Variants in DCC observed in about 807,000 individuals in gnomAD.
DCC encodes the protein netrin receptor DCC.
DCC carries 58 observed loss-of-function variants against 172.5 expected under a neutral mutation model. That is an observed-to-expected ratio of 0.34 (90% CI 0.27 to 0.42). The LOEUF (loss-of-function observed/expected upper bound fraction) is 0.42. Among genes scored for constraint, DCC ranks in the 10% least tolerant of loss-of-function variants. The pLI is 1.00. For synonymous variants in DCC, 709 were observed against 644.5 expected, an observed-to-expected ratio of 1.10 and a Z score of -1.52; for missense variants, 1,740 against 1,791.0, an observed-to-expected ratio of 0.97 and a Z score of 0.51.
intron 7 of DCC, among the ~76,000 whole-genome samples, chr18:53,069,620 C>CAA (rs72121087): frequency 3.1e-3 from 349 of 113,468 alleles, no homozygotes; most frequent in African/African-American, 9.2e-3. Context: ...TCCACAAAAA[C>CAA]AAAAAAAAAA....
chr18:52,909,289 A>G lies in DCC; in HGVS notation c.697+2961A>G, dbSNP rs78771055. On this transcript the variant is annotated intron_variant, in intron 3 of 28. Transcript: ENST00000442544. ...ACATACATGCACATATACAAACATC[A>G]TATTATTGGCATGACTTAGGACTAT... Among the ~76,000 whole-genome samples, 30 of 152,286 alleles carry G rather than the reference A, an allele frequency of 2.0e-4. No homozygotes were observed. The East Asian group carries it at 5.4e-3, about 27-fold the overall frequency.
At chr18:53,120,143 T>C (rs2043463558) in intron 7 of DCC, among the ~76,000 whole-genome samples, 1 of 151,816 alleles carries the variant, frequency 6.6e-6, no homozygotes, top group Non-Finnish European at 1.5e-5. Context: ...TGCGTAAATA[T>C]CAATAATTTT....
At chr18:52,846,291 C>T (rs1410666407) in intron 2 of DCC, among the ~76,000 whole-genome samples, 1 of 152,126 alleles carries the variant, frequency 6.6e-6, no homozygotes. Flanking sequence ...CCTGTAATCC[C>T]TGCACTTTGG....
At chr18:53,031,197 T>C (rs942032985) in intron 5 of DCC, among the ~76,000 whole-genome samples, 3 of 152,278 alleles carry the variant, frequency 2.0e-5, no homozygotes, top group East Asian at 3.9e-4. Context: ...AGGCAGAGGT[T>C]GCAGTGAGCT....
At chr18:52,608,091 T>C (rs1229529203) in intron 1 of DCC, among the ~76,000 whole-genome samples, 1 of 152,140 alleles carries the variant, frequency 6.6e-6, no homozygotes, top group East Asian at 1.9e-4. Flanking sequence ...ATGCTCTATC[T>C]CCCTTCTTTT....
chr18:53,137,032 A>G (rs926315724), intron 7 of DCC, among the ~76,000 whole-genome samples: 4 of 152,246 alleles, frequency 2.6e-5, no homozygotes, highest in African/African-American at 9.6e-5. Flanking sequence ...TTACCTAGGA[A>G]GAGGAGAGCA....
intron 27 of DCC, among the ~76,000 whole-genome samples, chr18:53,512,181 G>C (rs1369988128): frequency 6.8e-6 from 1 of 147,394 alleles, no homozygotes; most frequent in East Asian, 2.1e-4. Flanking sequence ...TAACTGGGAG[G>C]CACCCCCCAG....
chr18:53,432,297 A>C (rs142171778), intron 21 of DCC, among the ~76,000 whole-genome samples: 1 of 152,274 alleles, frequency 6.6e-6, no homozygotes, highest in East Asian at 1.9e-4. Flanking sequence ...TCTGATTACA[A>C]TGAACCAACT....
chr18:53,097,811 T>C (rs1470699169), intron 7 of DCC, among the ~76,000 whole-genome samples: 2 of 152,174 alleles, frequency 1.3e-5, no homozygotes, highest in Admixed American at 6.5e-5. Context: ...GTTTGCATAC[T>C]GAAACAGAGA....
chr18:52,475,906 C>T (rs564245972), intron 1 of DCC, among the ~76,000 whole-genome samples: 1 of 152,276 alleles, frequency 6.6e-6, no homozygotes, highest in East Asian at 1.9e-4. Flanking sequence ...AACTCTAGTC[C>T]ATCTTCTTCA....
At chr18:53,386,475 GC>G (rs527539960) in intron 16 of DCC, among the ~76,000 whole-genome samples, 1 of 152,076 alleles carries the variant, frequency 6.6e-6, no homozygotes, top group African/African-American at 2.4e-5. Context: ...CATCTCCTGA[GC>G]AGTTTGTCTC....
Position 53,033,576 on chromosome 18 carries a change from A to C in DCC, c.986-29729A>C, listed in dbSNP as rs186191954. Among the ~76,000 whole-genome samples the C allele has an allele frequency of 2.6e-5, 4 of 152,210 alleles. No individual in the cohort carries two copies. The East Asian group carries it at 7.7e-4, about 29-fold the overall frequency. On this transcript the variant is annotated intron_variant, in intron 5 of 28. Coordinates refer to ENST00000442544, the MANE Select transcript of DCC (RefSeq NM_005215.4). ...GCTGTCTCAGCCTCTCTATCAATGC[A>C]CACTGGTTCCCATTCCTCCTTGAGA... is the stretch of plus-strand genomic sequence containing the variant.
intron 12 of DCC, among the ~76,000 whole-genome samples, chr18:53,258,179 T>G (rs1313458051): frequency 6.6e-6 from 1 of 152,178 alleles, no homozygotes; most frequent in Non-Finnish European, 1.5e-5. Flanking sequence ...GAATCATTGA[T>G]TTTTTGAAGG....
chr18:53,449,628 TC>T (rs1427119574), intron 22 of DCC, among the ~76,000 whole-genome samples: 1 of 152,204 alleles, frequency 6.6e-6, no homozygotes, highest in Non-Finnish European at 1.5e-5. Context: ...TAGTGTTTCC[TC>T]ATAAACCATA....
intron 8 of DCC, among the ~76,000 whole-genome samples, chr18:53,170,537 A>G (rs1348272287): frequency 1.3e-5 from 2 of 152,216 alleles, no homozygotes; most frequent in Non-Finnish European, 2.9e-5. Context: ...TCCTGGTTTT[A>G]AATACTTTGT....
At position 53,487,469 on chromosome 18, in the gene DCC, T is replaced by C. The variant is rs566928582; in HGVS notation, c.3898+511T>C. On this transcript the variant is annotated intron_variant, in intron 26 of 28. Coordinates refer to ENST00000442544, the MANE Select transcript of DCC (RefSeq NM_005215.4). Reference sequence around the variant, plus strand: ...TCATTTCTTTGAAGGAAGGTAGGAATGAAAAGAGACTCTCAAGCTATTATA... The same window carrying C: ...TCATTTCTTTGAAGGAAGGTAGGAACGAAAAGAGACTCTCAAGCTATTATA... 2.6e-5 allele frequency among the ~76,000 whole-genome samples: 4 copies of C among 151,488 alleles called. No homozygotes were observed. The South Asian group carries it at 8.3e-4, about 32-fold the overall frequency.
At chr18:52,376,393 G>A (rs1985347355) in intron 1 of DCC, among the ~76,000 whole-genome samples, 2 of 152,072 alleles carry the variant, frequency 1.3e-5, no homozygotes, top group Non-Finnish European at 2.9e-5. Context: ...AGGAGGGAGG[G>A]GTTAGTTAAT....
In DCC at chr18:53,199,316, C is replaced by A. The variant is rs2055499206; in HGVS notation, c.1574-5900C>A. Among the ~76,000 whole-genome samples, 4 of 152,046 alleles carry A rather than the reference C, an allele frequency of 2.6e-5. No homozygotes were observed. The South Asian group carries it at 8.3e-4, about 32-fold the overall frequency. On this transcript the variant is annotated intron_variant, in intron 9 of 28. Transcript: ENST00000442544. ...TTGTTGGCCAGGCTGGTCTTGAACT[C>A]CTGGCCTCAAATGATCCTCCCACCT...
In DCC at chr18:52,439,174, TTGTG is replaced by T. The variant is rs60983168; in HGVS notation, c.91+98330_91+98333del. Among the ~76,000 whole-genome samples, 377 of 144,846 alleles carry T rather than the reference TTGTG, an allele frequency of 2.6e-3. 2 individuals carry two copies. Among genetic ancestry groups the T allele is most frequent in the Middle Eastern group, 0.014 (4 of 288 alleles). On this transcript the variant is annotated intron_variant, in intron 1 of 28. Coordinates refer to ENST00000442544, the MANE Select transcript of DCC (RefSeq NM_005215.4). ...CTGTTAATATTTTGGAAGATATGTTTTGTGTGTGTGTGTGTGTGTGTGTGTGTGT... is the reference window on the plus strand; with the variant it reads ...CTGTTAATATTTTGGAAGATATGTTTTGTGTGTGTGTGTGTGTGTGTGTGT...
Sources: gnomAD v4.1 joint callset for allele counts (sites outside exome capture counted in the v4.1 genomes callset) on GRCh38, gnomAD v4.1.1 for gene constraint, MANE v1.5 for transcripts, NCBI Gene and HGNC (gene_info 2026-07-23, HGNC 2026-07-21) for gene names.